The following LYPLAL1 variants were observed in gnomAD, a reference collection of about 807,000 sequenced individuals.
LYPLAL1 encodes the protein lysophospholipase like 1, also known as lysophospholipase-like protein 1.
A neutral mutation model predicts 19.7 loss-of-function variants in LYPLAL1; 23 were observed. The observed-to-expected ratio is 1.17, with a 90% CI of 0.84 to 1.65. The LOEUF (loss-of-function observed/expected upper bound fraction) is 1.65, where lower values mean the gene tolerates loss of function less well. Among genes scored for constraint, LYPLAL1 ranks in the 40% most tolerant of loss-of-function variants. The probability of loss-of-function intolerance (pLI) is 0.00; values close to 1 mark genes in which losing one functional copy is unlikely to be tolerated. For missense variants in LYPLAL1, 355 were observed against 279.4 expected (o/e 1.27, Z -1.93); for synonymous variants, 119 against 96.3 (o/e 1.24, Z -1.38).
intron 2 of LYPLAL1, among the ~76,000 whole-genome samples, chr1:219,185,107 A>G (rs1656622073): frequency 6.6e-6 from 1 of 151,838 alleles, no homozygotes; most frequent in South Asian, 2.1e-4. Context: ...CAGATTTTAT[A>G]TTTATTTTTA....
the LYPLAL1 span, among the ~76,000 whole-genome samples, chr1:219,406,767 A>G: frequency 1.4e-5 from 2 of 143,398 alleles, no homozygotes; most frequent in African/African-American, 5.0e-5. Context: ...AGTTGTATAA[A>G]TCTATATCAT....
the LYPLAL1 span, among the ~76,000 whole-genome samples, chr1:219,307,085 A>G: frequency 6.6e-6 from 1 of 151,140 alleles, no homozygotes; most frequent in South Asian, 2.1e-4. Context: ...TTTTTCTTAT[A>G]GGATCATAAA....
At chr1:219,435,019 G>C in the LYPLAL1 span, 1 of 152,118 alleles carries the variant, frequency 6.6e-6, no homozygotes, top group Non-Finnish European at 1.5e-5. Flanking sequence ...CAGATATCAA[G>C]TGAGCATGTA....
At chr1:219,248,868 A>G in the LYPLAL1 span, among the ~76,000 whole-genome samples, 1 of 152,234 alleles carries the variant, frequency 6.6e-6, no homozygotes, top group African/African-American at 2.4e-5. Flanking sequence ...AATAAATCCT[A>G]TAATCTAGAA....
chr1:219,268,494 T>C, the LYPLAL1 span, among the ~76,000 whole-genome samples: 6 of 152,044 alleles, frequency 3.9e-5, no homozygotes, highest in African/African-American at 1.4e-4. Context: ...AAAGCTAAAG[T>C]CAGAAAGGTA....
At chr1:219,370,645 C>G in the LYPLAL1 span, among the ~76,000 whole-genome samples, 1 of 152,202 alleles carries the variant, frequency 6.6e-6, no homozygotes, top group Non-Finnish European at 1.5e-5. Context: ...TGGGGCCAGA[C>G]TGTGAAAAGT....
the LYPLAL1 span, among the ~76,000 whole-genome samples, chr1:219,262,547 C>T: frequency 1.3e-5 from 2 of 152,162 alleles, no homozygotes; most frequent in Non-Finnish European, 2.9e-5. Context: ...TAGTGCTCTC[C>T]CACTTTCCCT....
chr1:219,389,665 T>G, the LYPLAL1 span, among the ~76,000 whole-genome samples: 1 of 152,166 alleles, frequency 6.6e-6, no homozygotes, highest in Non-Finnish European at 1.5e-5. Flanking sequence ...TTAGCTAGAT[T>G]AATACCAATG....
the LYPLAL1 span, among the ~76,000 whole-genome samples, chr1:219,253,361 G>A: frequency 6.6e-6 from 1 of 151,790 alleles, no homozygotes; most frequent in Admixed American, 6.6e-5. Context: ...TCTTTCAGTT[G>A]TGCAGTTAGG....
chr1:219,288,168 A>G, the LYPLAL1 span, among the ~76,000 whole-genome samples: 2 of 152,188 alleles, frequency 1.3e-5, no homozygotes, highest in Non-Finnish European at 2.9e-5. Flanking sequence ...CTACACAGGA[A>G]AGTTTATAGC....
At chr1:219,415,426 A>T in the LYPLAL1 span, among the ~76,000 whole-genome samples, 1 of 152,258 alleles carries the variant, frequency 6.6e-6, no homozygotes, top group Non-Finnish European at 1.5e-5. Flanking sequence ...AGGCAAGTGT[A>T]TAAAATTATT....
At chr1:219,415,245 G>C in the LYPLAL1 span, among the ~76,000 whole-genome samples, 10 of 152,194 alleles carry the variant, frequency 6.6e-5, no homozygotes, top group Non-Finnish European at 1.3e-4. Context: ...CCAGGAAACA[G>C]TGGTTTCAAC....
the LYPLAL1 span, among the ~76,000 whole-genome samples, chr1:219,323,125 T>C: frequency 2.0e-5 from 3 of 152,312 alleles, no homozygotes; most frequent in East Asian, 5.8e-4. Flanking sequence ...GGGACAACCA[T>C]GGGAACTAAT....
chr1:219,197,147 C>T (rs944916485), intron 3 of LYPLAL1, among the ~76,000 whole-genome samples: 2 of 151,890 alleles, frequency 1.3e-5, no homozygotes, highest in Non-Finnish European at 2.9e-5. Context: ...AAAATTGGAA[C>T]CAAAAAAGAG....
the LYPLAL1 span, among the ~76,000 whole-genome samples, chr1:219,434,478 G>A: frequency 2.6e-5 from 4 of 152,194 alleles, no homozygotes; most frequent in Non-Finnish European, 5.9e-5. Flanking sequence ...ACTGGAATGA[G>A]CAAGGAAGCA....
At chr1:219,179,334 T>C in intron 2 of LYPLAL1, 88 bp downstream of exon 2, 1 of 927,202 alleles carries the variant, frequency 1.1e-6, no homozygotes, top group South Asian at 1.5e-5. Flanking sequence ...TTCTTTAAGC[T>C]TAATTTTGTA....
At chr1:219,181,154 AT>A (rs1173099304) in intron 2 of LYPLAL1, among the ~76,000 whole-genome samples, 1 of 152,228 alleles carries the variant, frequency 6.6e-6, no homozygotes, top group Non-Finnish European at 1.5e-5. Context: ...TCGGTATAAA[AT>A]TATTAAAGTG....
At chr1:219,360,682 A>C in the LYPLAL1 span, among the ~76,000 whole-genome samples, 1 of 152,120 alleles carries the variant, frequency 6.6e-6, no homozygotes, top group Non-Finnish European at 1.5e-5. Context: ...TCAGGGTAGG[A>C]AAGGGAGATG....
intron 1 of LYPLAL1, among the ~76,000 whole-genome samples, chr1:219,177,828 A>G (rs992734515): frequency 1.3e-5 from 2 of 152,154 alleles, no homozygotes; most frequent in Non-Finnish European, 2.9e-5. Context: ...AATCATGCCA[A>G]CCTTTCTGTC....
Sources: allele counts gnomAD v4.1 joint callset (sites outside exome capture counted in the v4.1 genomes callset), GRCh38; gene constraint gnomAD v4.1.1; transcripts MANE v1.5; gene names NCBI Gene and HGNC (gene_info 2026-07-23, HGNC 2026-07-21).